OTOP1: variants seen among roughly 807,000 people sequenced by gnomAD.
OTOP1 encodes the protein proton channel OTOP1.
OTOP1 carries 59 observed loss-of-function variants against 52.9 expected under a neutral mutation model. The observed-to-expected ratio is 1.12, with a 90% CI of 0.91 to 1.39. The LOEUF (loss-of-function observed/expected upper bound fraction) is 1.39. OTOP1 is among the 40% of genes most tolerant of loss of function. The probability of loss-of-function intolerance (pLI) is 0.00; values close to 1 mark genes in which losing one functional copy is unlikely to be tolerated. For synonymous variants in OTOP1, 317 were observed against 337.7 expected, an observed-to-expected ratio of 0.94 and a Z score of 0.67; for missense variants, 761 against 800.9, an observed-to-expected ratio of 0.95 and a Z score of 0.60.
At chr4:4,210,397 G>A (rs545813493) in intron 2 of OTOP1, among the ~76,000 whole-genome samples, 17 of 152,174 alleles carry the variant, frequency 1.1e-4, no homozygotes, top group Non-Finnish European at 1.9e-4. Flanking sequence ...TCTTCTCAGC[G>A]TCCTGAGGCT....
chr4:4,212,307 G>T (rs141779352), intron 2 of OTOP1, among the ~76,000 whole-genome samples: 3,485 of 152,224 alleles, frequency 0.023, 136 homozygotes, highest in African/African-American at 0.079. Context: ...GTTTACCAGT[G>T]CTGTGGGAAA....
intron 5 of OTOP1, among the ~76,000 whole-genome samples, 188 bp from the exon 6 acceptor site, chr4:4,189,161 A>G (rs576603297): frequency 2.0e-5 from 3 of 152,288 alleles, no homozygotes. Flanking sequence ...CATGTCTGCC[A>G]TGATCCTGCT....
intron 2 of OTOP1, among the ~76,000 whole-genome samples, chr4:4,208,723 T>G (rs1449220092): frequency 6.6e-6 from 1 of 151,664 alleles, no homozygotes; most frequent in Non-Finnish European, 1.5e-5. Flanking sequence ...GTACTTAACA[T>G]TACTGAAACG....
At chr4:4,223,408 CAGAT>C (rs1296211521) in intron 1 of OTOP1, among the ~76,000 whole-genome samples, 253 of 88,104 alleles carry the variant, frequency 2.9e-3, no homozygotes, top group African/African-American at 0.016. Context: ...GATGGACGGA[CAGAT>C]GGATGGATGG....
At chr4:4,199,167 C>T (rs201947109) in intron 4 of OTOP1, among the ~76,000 whole-genome samples, 3 of 148,510 alleles carry the variant, frequency 2.0e-5, no homozygotes, top group East Asian at 2.0e-4. Context: ...CCAGCCTAGG[C>T]GACAGAGCGA....
At chr4:4,213,055 A>G in intron 1 of OTOP1, 51 bp from the exon 2 acceptor site, 1 of 1,580,238 alleles carries the variant, frequency 6.3e-7, no homozygotes, top group Non-Finnish European at 8.7e-7. Flanking sequence ...GCATTAACAT[A>G]CATTGATGTC....
chr4:4,213,772 G>T (rs563456355), intron 1 of OTOP1, among the ~76,000 whole-genome samples: 13 of 152,146 alleles, frequency 8.5e-5, no homozygotes, highest in African/African-American at 3.1e-4. Flanking sequence ...TGCTATGAGA[G>T]AATTTGTAGA....
rs2108797328 is a variant in OTOP1 at position 4,197,803 on chromosome 4, T to A, written c.1031A>T (p.Glu344Val). 1.2e-6 allele frequency: 2 copies of A among 1,613,996 alleles called. No homozygotes were observed. The highest frequency in any genetic ancestry group is 3.3e-4 in the Middle Eastern group (2 of 6,062). ...IHIGRSKTKS[E>V]SALIMFYLYA... ...CAGGTAGAACATGATGAGTGCCGAC[T>A]CGCTCTTGGTCTTGGAGCGCCCAAT... Residue 344 changes from glutamate (E) to valine (V), a missense_variant, in exon 5 of 6, where the codon GAG becomes GTG. Glu to Val is a moderately radical substitution (Grantham distance 121, BLOSUM62 -2). Coordinates refer to ENST00000296358, the MANE Select transcript of OTOP1 (RefSeq NM_177998.3).
intron 1 of OTOP1, among the ~76,000 whole-genome samples, chr4:4,221,559 T>G (rs1410562647): frequency 6.6e-6 from 1 of 152,200 alleles, no homozygotes; most frequent in Admixed American, 6.5e-5. Flanking sequence ...GATGCTGTAC[T>G]GATTACTCTG....
intron 1 of OTOP1, among the ~76,000 whole-genome samples, chr4:4,220,080 C>CATAT (rs757774792): frequency 4.9e-4 from 19 of 38,662 alleles, no homozygotes; most frequent in Admixed American, 8.6e-4. Flanking sequence ...TATATGTATA[C>CATAT]ATATATATAT....
chr4:4,208,774 T>A (rs1323296886), intron 2 of OTOP1, among the ~76,000 whole-genome samples: 23 of 94,688 alleles, frequency 2.4e-4, no homozygotes, highest in Admixed American at 1.9e-3. Context: ...TATGTGATTG[T>A]CAAACTAAAA....
At chr4:4,208,424 A>G (rs927322132) in intron 2 of OTOP1, among the ~76,000 whole-genome samples, 7 of 152,352 alleles carry the variant, frequency 4.6e-5, no homozygotes, top group East Asian at 1.9e-4. Context: ...ATAGACATAC[A>G]ATGGAATTTT....
At chr4:4,207,148 G>A (rs1716922678) in intron 2 of OTOP1, among the ~76,000 whole-genome samples, 1 of 152,016 alleles carries the variant, frequency 6.6e-6, no homozygotes, top group African/African-American at 2.4e-5. Flanking sequence ...GTCTTACTCA[G>A]GAATACACAT....
chr4:4,224,608 T>C (rs1463966272), intron 1 of OTOP1, among the ~76,000 whole-genome samples: 1 of 152,218 alleles, frequency 6.6e-6, no homozygotes, highest in African/African-American at 2.4e-5. Flanking sequence ...CCAGATTCAC[T>C]GTCATTCACA....
At chr4:4,189,372 C>T (rs73792834) in intron 5 of OTOP1, among the ~76,000 whole-genome samples, 4,838 of 152,296 alleles carry the variant, frequency 0.032, 227 homozygotes, top group African/African-American at 0.11. Context: ...GTGTTGTTCA[C>T]GGAACCTACA....
chr4:4,197,957 C>A lies in OTOP1; in HGVS notation c.877G>T (p.Gly293Trp). Residue 293 changes from glycine to tryptophan, a missense_variant, in exon 5 of 6, where the codon GGG becomes TGG. Gly to Trp is a radical substitution (Grantham distance 184). Transcript: ENST00000296358. ...TGCTGATGGCTGTCAACTTTGCGCC[C>A]GATGTTCTTCCACAGGACGTAGAGC... Reference protein sequence around the residue: ...TMLYVLWKNIGRKVDSHQHQK... With the variant: ...TMLYVLWKNIWRKVDSHQHQK... The A allele has an allele frequency of 1.2e-6, 2 of 1,613,976 alleles. No individual in the cohort carries two copies. The highest frequency in any genetic ancestry group is 1.7e-5 in the Admixed American group (1 of 59,994).
At position 4,202,483 on chromosome 4, in the gene OTOP1, C is replaced by T. The variant is rs151229264; in HGVS notation, c.695G>A (p.Arg232Gln). ...SKHQLNEHKERLITLGFGNIT... is the reference protein window; with the variant it reads ...SKHQLNEHKEQLITLGFGNIT... ...GTTCCCAAAACCCAGAGTGATGAGC[C>T]GTTCCTTGTGCTCATTGAGTTGGTG... The change falls in exon 4 of 6, where the codon CGG becomes CAG. Residue 232 changes from arginine to glutamine, a missense_variant. Physicochemically the swap from Arg to Gln is conservative, Grantham distance 43 (BLOSUM62 1). Around this residue, in one of 3 missense-constraint regions of OTOP1, gnomAD observed 632 missense variants for 619.5 expected, o/e 1.02. Transcript: ENST00000296358. 13 of 1,613,890 alleles carry T rather than the reference C, an allele frequency of 8.1e-6. No individual in the cohort carries two copies. The highest frequency in any genetic ancestry group is 6.6e-5 in the South Asian group (6 of 91,086).
At chr4:4,213,730 C>T (rs1025747684) in intron 1 of OTOP1, among the ~76,000 whole-genome samples, 38 of 152,108 alleles carry the variant, frequency 2.5e-4, no homozygotes, top group Middle Eastern at 3.4e-3. Flanking sequence ...GATGCTGGGT[C>T]GCTTCCACCT....
chr4:4,215,629 C>A (rs1284730007), intron 1 of OTOP1, among the ~76,000 whole-genome samples: 1 of 151,988 alleles, frequency 6.6e-6, no homozygotes, highest in Non-Finnish European at 1.5e-5. Context: ...GATTGCACTC[C>A]AGCCAGGGCA....
Sources: gnomAD v4.1 joint callset for allele counts (sites outside exome capture counted in the v4.1 genomes callset) on GRCh38, gnomAD v4.1.1 for gene constraint, gnomAD v4.1.1 regional missense constraint, MANE v1.5 for transcripts, NCBI Gene and HGNC (gene_info 2026-07-23, HGNC 2026-07-21) for gene names.